Variants in GNAQ observed in about 807,000 individuals in gnomAD.
GNAQ encodes the protein G protein subunit alpha q, also known as guanine nucleotide-binding protein G(q) subunit alpha.
Under a neutral mutation model 43.9 loss-of-function variants are expected in GNAQ, and 8 were observed. The observed-to-expected ratio is 0.18, with a 90% CI of 0.11 to 0.33. The LOEUF (loss-of-function observed/expected upper bound fraction) is 0.33, where lower values mean the gene tolerates loss of function less well. Among genes scored for constraint, GNAQ ranks in the 10% least tolerant of loss-of-function variants. The probability of loss-of-function intolerance (pLI) is 1.00; values close to 1 mark genes in which losing one functional copy is unlikely to be tolerated. For synonymous variants in GNAQ, 155 were observed against 170.7 expected (o/e 0.91, Z 0.71); for missense variants, 158 against 450.8 (o/e 0.35, Z 5.88).
chr9:77,820,087 C>CAAAAAAAAAAAAAAAAAAGAAAAAAAA (rs1827088378), intron 2 of GNAQ, among the ~76,000 whole-genome samples: 2 of 104,992 alleles, frequency 1.9e-5, no homozygotes, highest in Non-Finnish European at 1.8e-5. Flanking sequence ...ATTTAAAATG[C>CAAAAAAAAAAAAAAAAAAGAAAAAAAA]AAAAAAAAAA....
At chr9:77,968,731 C>T (rs1823199325) in intron 1 of GNAQ, among the ~76,000 whole-genome samples, 3 of 152,164 alleles carry the variant, frequency 2.0e-5, no homozygotes, top group African/African-American at 7.2e-5. Flanking sequence ...TGTACCAAAC[C>T]AAAGGCAAGA....
At chr9:78,029,521 C>CATT (rs1230382960) in intron 1 of GNAQ, among the ~76,000 whole-genome samples, 1 of 152,030 alleles carries the variant, frequency 6.6e-6, no homozygotes, top group Non-Finnish European at 1.5e-5. Flanking sequence ...TCCCTGGCTT[C>CATT]ATTCCCCTAA....
intron 5 of GNAQ, among the ~76,000 whole-genome samples, chr9:77,740,667 T>C (rs187725178): frequency 6.6e-6 from 1 of 152,286 alleles, no homozygotes; most frequent in East Asian, 1.9e-4. Flanking sequence ...TAATTAATAG[T>C]TGGTTTTCTT....
intron 5 of GNAQ, among the ~76,000 whole-genome samples, chr9:77,742,769 T>C (rs957288930): frequency 5.9e-5 from 9 of 151,936 alleles, no homozygotes; most frequent in African/African-American, 2.2e-4. Flanking sequence ...TGAAGGACTG[T>C]GGGGTGGGAT....
At chr9:77,870,686 A>G (rs1028012059) in intron 2 of GNAQ, among the ~76,000 whole-genome samples, 1 of 152,066 alleles carries the variant, frequency 6.6e-6, no homozygotes. Context: ...TCTTCTTGAG[A>G]TAAATACTTG....
chr9:78,020,769 T>A (rs959033834), intron 1 of GNAQ, among the ~76,000 whole-genome samples: 1 of 152,168 alleles, frequency 6.6e-6, no homozygotes, highest in Non-Finnish European at 1.5e-5. Context: ...CGGGACTCCC[T>A]ATTACTCTAC....
At chr9:77,846,744 C>G (rs774543536) in intron 2 of GNAQ, among the ~76,000 whole-genome samples, 3 of 152,120 alleles carry the variant, frequency 2.0e-5, no homozygotes, top group Non-Finnish European at 2.9e-5. Context: ...AGAACAGTAT[C>G]CTTAGAGTCT....
intron 1 of GNAQ, among the ~76,000 whole-genome samples, chr9:77,995,495 T>C (rs1261307269): frequency 1.3e-5 from 2 of 152,056 alleles, no homozygotes; most frequent in East Asian, 1.9e-4. Flanking sequence ...TTAACATATA[T>C]ATATATTTTT....
At chr9:77,863,173 TGAAA>T (rs1279816293) in intron 2 of GNAQ, among the ~76,000 whole-genome samples, 11 of 37,920 alleles carry the variant, frequency 2.9e-4, no homozygotes, top group Admixed American at 8.2e-4. Context: ...AAACTCCGTA[TGAAA>T]GAAAGGAAGG....
chr9:77,818,446 TAAAAAAAA>T (rs758876754), intron 2 of GNAQ, among the ~76,000 whole-genome samples: 1 of 131,360 alleles, frequency 7.6e-6, no homozygotes, highest in African/African-American at 2.8e-5. Context: ...CAATTTTTTG[TAAAAAAAA>T]AAAAAAAAAG....
chr9:77,773,272 T>A (rs1826254763), intron 5 of GNAQ, among the ~76,000 whole-genome samples: 1 of 152,116 alleles, frequency 6.6e-6, no homozygotes, highest in Non-Finnish European at 1.5e-5. Context: ...AATCAAAGAG[T>A]TCTCTTAAGA....
Position 77,963,898 on chromosome 9 carries a change from T to TA in GNAQ, c.137-41554dup, listed in dbSNP as rs1372676197. Among the ~76,000 whole-genome samples, 6 of 151,538 alleles carry TA rather than the reference T, an allele frequency of 4.0e-5. 1 individual carries two copies. Among genetic ancestry groups the TA allele is most frequent in the Non-Finnish European group, 8.8e-5 (6 of 67,854 alleles). ...CTGACTTATTTTTGTTTTCTAATCT[T>TA]AAAAAAAAATTTAAAAGGCACCCAT... On this transcript the variant is annotated intron_variant, in intron 1 of 6. Transcript: ENST00000286548.
At chr9:77,943,780 C>T (rs541499611) in intron 1 of GNAQ, among the ~76,000 whole-genome samples, 7 of 151,520 alleles carry the variant, frequency 4.6e-5, no homozygotes, top group Admixed American at 4.6e-4. Flanking sequence ...TCTCCTGCCT[C>T]AGCCTCCCAA....
Position 77,720,609 on chromosome 9 carries a change from T to C in GNAQ, c.*714A>G, listed in dbSNP as rs765576034. 4.3e-6 allele frequency: 1 copy of C among 233,186 alleles called. No homozygotes were observed. The highest frequency in any genetic ancestry group is 8.5e-6 in the Non-Finnish European group (1 of 117,966). 14.4% of individuals were successfully genotyped at this position (233,186 alleles called of 1,614,324 possible). ...GTCTTTGATCCTGCCTTCTGCATAT[T>C]TCTCTGAGCAATCAAGCTATGGCTG... On this transcript the variant is annotated 3_prime_UTR_variant, in exon 7 of 7. Transcript: ENST00000286548.
intron 1 of GNAQ, among the ~76,000 whole-genome samples, chr9:77,963,708 A>G (rs1012167371): frequency 6.6e-6 from 1 of 152,142 alleles, no homozygotes; most frequent in African/African-American, 2.4e-5. Flanking sequence ...TTATTATGAG[A>G]GTGGTTTGAG....
At chr9:77,975,006 C>A (rs1823280776) in intron 1 of GNAQ, among the ~76,000 whole-genome samples, 1 of 152,150 alleles carries the variant, frequency 6.6e-6, no homozygotes, top group African/African-American at 2.4e-5. Context: ...CTGTGACAAC[C>A]CCTCAATGGA....
intron 3 of GNAQ, among the ~76,000 whole-genome samples, chr9:77,814,631 T>C (rs371697993): frequency 2.0e-5 from 3 of 152,206 alleles, no homozygotes; most frequent in East Asian, 1.9e-4. Flanking sequence ...CAGAGTCATA[T>C]AGCTCTTAGA....
chr9:77,729,068 C>T (rs1825444494), intron 5 of GNAQ, among the ~76,000 whole-genome samples: 1 of 145,876 alleles, frequency 6.9e-6, no homozygotes, highest in African/African-American at 2.5e-5. Context: ...ATTTCTTAAG[C>T]TATATTTATT....
chr9:77,797,659 G>A lies in GNAQ; in HGVS notation c.477-11C>T, dbSNP rs1329388454. The A allele has an allele frequency of 1.2e-6, 2 of 1,611,878 alleles. No individual in the cohort carries two copies. The highest frequency in any genetic ancestry group is 1.7e-5 in the Admixed American group (1 of 59,790). On this transcript the variant is annotated splice_polypyrimidine_tract_variant and intron_variant, in intron 3 of 6. Coordinates refer to ENST00000286548, the MANE Select transcript of GNAQ (RefSeq NM_002072.5). ...AAGTCATTAAGATAGCTAGAGGAGG[G>A]AAGACACAATGAGAATGTCAGTGAC...
Sources: allele counts gnomAD v4.1 joint callset (sites outside exome capture counted in the v4.1 genomes callset), GRCh38; gene constraint gnomAD v4.1.1; transcripts MANE v1.5; gene names NCBI Gene and HGNC (gene_info 2026-07-23, HGNC 2026-07-21).